Variants in CELF2 observed in about 807,000 individuals in gnomAD.
CELF2 encodes the protein CUG triplet repeat RNA-binding protein 2.
A neutral mutation model predicts 62.6 loss-of-function variants in CELF2; 8 were observed. The ratio of observed to expected loss-of-function variants is 0.13; its 90% CI spans 0.07 to 0.23. The LOEUF is 0.23. Among genes scored for constraint, CELF2 ranks in the 10% least tolerant of loss-of-function variants. CELF2 has a pLI of 1.00. For synonymous variants in CELF2, 258 were observed against 250.0 expected (o/e 1.03, Z -0.30); for missense variants, 333 against 671.0 (o/e 0.50, Z 5.56).
At chr10:10,856,143 A>G (rs1467727654) in intron 1 of CELF2, among the ~76,000 whole-genome samples, 3 of 152,230 alleles carry the variant, frequency 2.0e-5, no homozygotes, top group Non-Finnish European at 4.4e-5. Flanking sequence ...GAAAATAAGG[A>G]AGTTGGTATT....
chr10:10,903,149 T>A (rs1242758598), intron 1 of CELF2, among the ~76,000 whole-genome samples: 2 of 152,198 alleles, frequency 1.3e-5, no homozygotes, highest in East Asian at 3.9e-4. Context: ...GCCCTGACTG[T>A]GTATATCAGC....
At chr10:10,714,353 T>A in the CELF2 span, among the ~76,000 whole-genome samples, 2 of 152,212 alleles carry the variant, frequency 1.3e-5, no homozygotes, top group South Asian at 4.1e-4. Flanking sequence ...AAGAATGCAG[T>A]GCAATTACTA....
intron 1 of CELF2, among the ~76,000 whole-genome samples, chr10:10,890,932 T>A (rs935713549): frequency 1.3e-5 from 2 of 152,104 alleles, no homozygotes; most frequent in African/African-American, 4.8e-5. Context: ...GGAGAATCAC[T>A]TGAACCTGGG....
rs1471569024 is a variant in CELF2 at position 10,928,017 on chromosome 10, T to C, written c.89+8018T>C. On this transcript the variant is annotated intron_variant, in intron 2 of 13. Coordinates refer to the CELF2 transcript ENST00000636488. The surrounding 1 kb of genome is among the most constrained non-coding windows in gnomAD (Gnocchi z 4.8). ...TGCAGCCTCATCACCTGCTACTTTC[T>C]TTCTCATTTATTTTGCTTCTGACAC... Among the ~76,000 whole-genome samples the C allele has an allele frequency of 2.6e-5, 4 of 152,204 alleles. No individual in the cohort carries two copies. Among genetic ancestry groups the C allele is most frequent in the East Asian group, 3.8e-4 (2 of 5,196 alleles).
chr10:10,674,246 G>T, the CELF2 span, among the ~76,000 whole-genome samples: 9 of 152,154 alleles, frequency 5.9e-5, no homozygotes, highest in Admixed American at 2.6e-4. Flanking sequence ...TCTTCTTGGA[G>T]AATTGATCCC....
chr10:10,541,622 T>C, the CELF2 span, among the ~76,000 whole-genome samples: 1 of 152,244 alleles, frequency 6.6e-6, no homozygotes, highest in Non-Finnish European at 1.5e-5. Flanking sequence ...AATGTTGCCA[T>C]GGTGTCTGTA....
At chr10:10,548,727 T>C in the CELF2 span, among the ~76,000 whole-genome samples, 4 of 152,212 alleles carry the variant, frequency 2.6e-5, no homozygotes, top group Non-Finnish European at 5.9e-5. Flanking sequence ...CATAAATAAA[T>C]GTGTATTTTA....
At chr10:10,645,453 G>A in the CELF2 span, among the ~76,000 whole-genome samples, 35 of 152,176 alleles carry the variant, frequency 2.3e-4, no homozygotes, top group South Asian at 6.2e-4. Context: ...AGGAGTTTGC[G>A]ACCAGCCTTG....
At chr10:10,571,441 T>G in the CELF2 span, among the ~76,000 whole-genome samples, 8 of 152,186 alleles carry the variant, frequency 5.3e-5, no homozygotes, top group African/African-American at 1.9e-4. Flanking sequence ...AATATAATAT[T>G]TCTCCAGAAC....
At chr10:10,631,805 A>G in the CELF2 span, among the ~76,000 whole-genome samples, 1 of 152,204 alleles carries the variant, frequency 6.6e-6, no homozygotes, top group Non-Finnish European at 1.5e-5. Context: ...TAAGATAAGA[A>G]AATGGGAAAA....
intron 3 of CELF2, among the ~76,000 whole-genome samples, chr10:11,229,026 A>G (rs931148001): frequency 6.6e-6 from 1 of 152,192 alleles, no homozygotes; most frequent in Admixed American, 6.5e-5. Flanking sequence ...AGACCCTAGA[A>G]GCACGTCCTG....
chr10:10,549,111 G>C, the CELF2 span, among the ~76,000 whole-genome samples: 4 of 152,186 alleles, frequency 2.6e-5, no homozygotes, highest in African/African-American at 9.7e-5. Context: ...TCTCATTTAT[G>C]AAATGGAGAG....
At chr10:11,160,672 G>A (rs1596374908) in intron 1 of CELF2, among the ~76,000 whole-genome samples, 1 of 149,506 alleles carries the variant, frequency 6.7e-6, no homozygotes, top group East Asian at 1.9e-4. Flanking sequence ...AAAGAGTATT[G>A]GAGTAATAAG....
chr10:11,132,223 T>C (rs138416498), intron 1 of CELF2, among the ~76,000 whole-genome samples: 285 of 152,324 alleles, frequency 1.9e-3, no homozygotes, highest in African/African-American at 6.6e-3. Context: ...AAAACAAAGA[T>C]CATTAGTGTT....
At chr10:11,100,963 A>G (rs1048772351) in intron 1 of CELF2, among the ~76,000 whole-genome samples, 1 of 152,206 alleles carries the variant, frequency 6.6e-6, no homozygotes, top group African/African-American at 2.4e-5. Flanking sequence ...TGTTTATTCC[A>G]CTAAACACCT....
chr10:10,631,066 A>C, the CELF2 span, among the ~76,000 whole-genome samples: 8 of 152,292 alleles, frequency 5.3e-5, no homozygotes, highest in South Asian at 1.0e-3. Context: ...CTTCTCACTG[A>C]ATTTCTTTAA....
chr10:10,597,693 A>T, the CELF2 span, among the ~76,000 whole-genome samples: 1 of 152,246 alleles, frequency 6.6e-6, no homozygotes, highest in East Asian at 1.9e-4. Flanking sequence ...TGAACACAGT[A>T]AAGTACAGCA....
intron 1 of CELF2, among the ~76,000 whole-genome samples, chr10:10,915,350 C>G (rs2064229633): frequency 6.6e-6 from 1 of 152,114 alleles, no homozygotes; most frequent in East Asian, 1.9e-4. Flanking sequence ...TGGTGTGTGC[C>G]AGGCACTGAG....
chr10:11,068,639 C>T (rs1263238871), intron 1 of CELF2, among the ~76,000 whole-genome samples: 1 of 151,862 alleles, frequency 6.6e-6, no homozygotes, highest in Non-Finnish European at 1.5e-5. Flanking sequence ...TGGCTCACTG[C>T]AAGTTCTGCT....
Sources: allele counts gnomAD v4.1 joint callset (sites outside exome capture counted in the v4.1 genomes callset), GRCh38; gene constraint gnomAD v4.1.1; non-coding constraint Gnocchi (gnomAD v3.1); transcripts MANE v1.5; gene names NCBI Gene and HGNC (gene_info 2026-07-23, HGNC 2026-07-21).